Variants in RAPGEF4 observed in about 807,000 individuals in gnomAD.
RAPGEF4 encodes the protein RAP guanine-nucleotide-exchange factor (GEF) 4.
RAPGEF4 carries 66 observed loss-of-function variants against 147.9 expected under a neutral mutation model. The ratio of observed to expected loss-of-function variants is 0.45; its 90% CI spans 0.37 to 0.55. The LOEUF (loss-of-function observed/expected upper bound fraction) is 0.55. Among genes scored for constraint, RAPGEF4 ranks in the 20% least tolerant of loss-of-function variants. The pLI is 0.00. For synonymous variants in RAPGEF4, 419 were observed against 442.7 expected, an observed-to-expected ratio of 0.95 and a Z score of 0.67; for missense variants, 1,071 against 1,257.3, an observed-to-expected ratio of 0.85 and a Z score of 2.24.
chr2:172,903,368 CAA>C (rs10712221), intron 4 of RAPGEF4, among the ~76,000 whole-genome samples: 467 of 82,652 alleles, frequency 5.7e-3, no homozygotes, highest in African/African-American at 0.019. Context: ...GACTCCATCT[CAA>C]AAAAAAAAAA....
chr2:173,029,451 C>A (rs1221609178), intron 25 of RAPGEF4, among the ~76,000 whole-genome samples: 1 of 152,198 alleles, frequency 6.6e-6, no homozygotes, highest in East Asian at 1.9e-4. Flanking sequence ...TGTTAAACAT[C>A]ACCATTCTAA....
At chr2:172,743,311 C>T (rs1430299047) in intron 1 of RAPGEF4, among the ~76,000 whole-genome samples, 2 of 152,110 alleles carry the variant, frequency 1.3e-5, no homozygotes, top group Non-Finnish European at 2.9e-5. Flanking sequence ...ATCTGGCTGA[C>T]GAGCGGAGGC....
At chr2:172,987,538 G>A (rs1575451550) in intron 12 of RAPGEF4, among the ~76,000 whole-genome samples, 1 of 152,126 alleles carries the variant, frequency 6.6e-6, no homozygotes, top group African/African-American at 2.4e-5. Flanking sequence ...GTGGATGGTT[G>A]TGTCTCTACT....
rs765241270 is a variant in RAPGEF4 at position 173,031,349 on chromosome 2, A to C, written c.2649+1095A>C. Among the ~76,000 whole-genome samples, 29 of 152,174 alleles carry C rather than the reference A, an allele frequency of 1.9e-4. 1 individual carries two copies. The highest frequency in any genetic ancestry group is 4.1e-4 in the Non-Finnish European group (28 of 68,034). ...ATATCATCTTCCAGCTAGTAAAAGG[A>C]CGGAGCTCGTGCTGCCAAGAGATCT... On this transcript the variant is annotated intron_variant, in intron 26 of 30. Transcript: ENST00000397081.
intron 10 of RAPGEF4, among the ~76,000 whole-genome samples, chr2:172,978,474 C>A (rs1691329542): frequency 6.6e-6 from 1 of 152,198 alleles, no homozygotes; most frequent in Non-Finnish European, 1.5e-5. Context: ...CAGTGCTCAC[C>A]CTCAGTCCTC....
intron 6 of RAPGEF4, among the ~76,000 whole-genome samples, chr2:172,925,293 T>C (rs559179202): frequency 6.8e-4 from 103 of 152,338 alleles, no homozygotes; most frequent in African/African-American, 2.3e-3. Flanking sequence ...TGTTTAACTT[T>C]TAATAAAATA....
intron 17 of RAPGEF4, among the ~76,000 whole-genome samples, chr2:173,008,279 G>A (rs1694689404): frequency 2.0e-5 from 3 of 152,174 alleles, no homozygotes; most frequent in African/African-American, 7.2e-5. Context: ...GAGTTGAGCA[G>A]TTCTTTACAG....
At position 173,036,708 on chromosome 2, in the gene RAPGEF4, T is replaced by C. The variant is rs866739338; in HGVS notation, c.2853+16T>C. 26 of 1,538,202 alleles carry C rather than the reference T, an allele frequency of 1.7e-5. No individual in the cohort carries two copies. The Admixed American group carries it at 3.2e-4, about 19-fold the overall frequency. ...TGAAAAAATGGTATGTGCAGTATTATAACCTTAACCACAATGTGTTTTTAA... is the reference window on the plus strand; with the variant it reads ...TGAAAAAATGGTATGTGCAGTATTACAACCTTAACCACAATGTGTTTTTAA... On this transcript the variant is annotated intron_variant, in intron 29 of 30. Coordinates refer to ENST00000397081, the MANE Select transcript of RAPGEF4 (RefSeq NM_007023.4).
intron 6 of RAPGEF4, among the ~76,000 whole-genome samples, chr2:172,946,970 G>A (rs1687737893): frequency 6.6e-6 from 1 of 152,130 alleles, no homozygotes; most frequent in African/African-American, 2.4e-5. Context: ...TAGAGATTCT[G>A]CAACATGTAT....
At chr2:172,833,260 G>GGTT (rs1436913351) in intron 4 of RAPGEF4, among the ~76,000 whole-genome samples, 1 of 126,848 alleles carries the variant, frequency 7.9e-6, no homozygotes, top group Non-Finnish European at 1.6e-5. Flanking sequence ...AGAGGTTTGG[G>GGTT]TTTTTTTTTT....
intron 1 of RAPGEF4, among the ~76,000 whole-genome samples, chr2:172,780,243 A>G (rs1323153236): frequency 6.6e-6 from 1 of 152,230 alleles, no homozygotes; most frequent in Non-Finnish European, 1.5e-5. Context: ...TAATTCTTCA[A>G]CAGGTGGCTT....
chr2:172,897,622 G>A (rs1225487441), intron 4 of RAPGEF4, among the ~76,000 whole-genome samples: 4 of 151,586 alleles, frequency 2.6e-5, no homozygotes, highest in African/African-American at 2.4e-5. Flanking sequence ...GGCTATTCTC[G>A]AACTCCTGGC....
At chr2:172,875,898 G>C (rs1002009555) in intron 4 of RAPGEF4, among the ~76,000 whole-genome samples, 1 of 152,114 alleles carries the variant, frequency 6.6e-6, no homozygotes, top group Non-Finnish European at 1.5e-5. Context: ...TCTTCCATTT[G>C]TTTGTATCCT....
chr2:172,898,608 A>G (rs1430578393), intron 4 of RAPGEF4, among the ~76,000 whole-genome samples: 1 of 152,162 alleles, frequency 6.6e-6, no homozygotes, highest in Non-Finnish European at 1.5e-5. Context: ...GGACCTGCTC[A>G]CTTGCACCTG....
intron 1 of RAPGEF4, among the ~76,000 whole-genome samples, chr2:172,744,983 A>G (rs1017332030): frequency 1.3e-5 from 2 of 152,140 alleles, no homozygotes; most frequent in African/African-American, 4.8e-5. Context: ...TATACTTTTT[A>G]TATATTACTT....
chr2:172,870,931 T>C (rs1695174535), intron 4 of RAPGEF4, among the ~76,000 whole-genome samples: 1 of 152,246 alleles, frequency 6.6e-6, no homozygotes, highest in Non-Finnish European at 1.5e-5. Flanking sequence ...ATAGCACCTT[T>C]AACTCAATTC....
chr2:172,992,773 C>G (rs1325410180), intron 15 of RAPGEF4, among the ~76,000 whole-genome samples: 1 of 152,198 alleles, frequency 6.6e-6, no homozygotes, highest in Non-Finnish European at 1.5e-5. Context: ...AAAACTTATG[C>G]ATGTTCACAA....
At chr2:172,876,804 G>T (rs1004006677) in intron 4 of RAPGEF4, among the ~76,000 whole-genome samples, 1 of 152,164 alleles carries the variant, frequency 6.6e-6, no homozygotes, top group Non-Finnish European at 1.5e-5. Flanking sequence ...CTATTGATTG[G>T]AATAGTTTCA....
At chr2:173,006,731 A>T (rs1187752441) in intron 17 of RAPGEF4, among the ~76,000 whole-genome samples, 1 of 152,200 alleles carries the variant, frequency 6.6e-6, no homozygotes, top group Non-Finnish European at 1.5e-5. Flanking sequence ...TTTCTTTTTG[A>T]TGAAAGATTC....
Sources: gnomAD v4.1 joint callset for allele counts (sites outside exome capture counted in the v4.1 genomes callset) on GRCh38, gnomAD v4.1.1 for gene constraint, MANE v1.5 for transcripts, NCBI Gene and HGNC (gene_info 2026-07-23, HGNC 2026-07-21) for gene names.